TMEM242: variants seen among roughly 807,000 people sequenced by gnomAD.
TMEM242 encodes the protein transmembrane protein 242.
In TMEM242, 10 loss-of-function variants were observed where a neutral mutation model predicts 18.2. The observed-to-expected ratio is 0.55, with a 90% CI of 0.34 to 0.93. The LOEUF is 0.93. Among genes scored for constraint, TMEM242 ranks in the 40% least tolerant of loss-of-function variants. TMEM242 has a pLI of 0.02. For missense variants in TMEM242, 186 were observed against 175.5 expected (o/e 1.06, Z -0.34); for synonymous variants, 57 against 69.9 (o/e 0.81, Z 0.92).
chr6:157,298,569 C>T (rs782785753), intron 3 of TMEM242, among the ~76,000 whole-genome samples: 4 of 152,238 alleles, frequency 2.6e-5, no homozygotes, highest in East Asian at 1.9e-4. Context: ...GCTGAAAGGC[C>T]GTCCCAGAGG....
chr6:157,312,201 C>G (rs199800895), intron 3 of TMEM242, among the ~76,000 whole-genome samples: 2 of 21,726 alleles, frequency 9.2e-5, no homozygotes, highest in African/African-American at 1.8e-4. Context: ...TCCCAGTGTG[C>G]ACTGAGCTAG....
chr6:157,310,795 C>T (rs1554248449), intron 3 of TMEM242, among the ~76,000 whole-genome samples: 6 of 148,006 alleles, frequency 4.1e-5, no homozygotes, highest in African/African-American at 7.5e-5. Context: ...CTCACCCGGC[C>T]TCATCATAGG....
At chr6:157,296,497 A>G (rs1777751173) in intron 3 of TMEM242, among the ~76,000 whole-genome samples, 2 of 152,240 alleles carry the variant, frequency 1.3e-5, no homozygotes, top group Admixed American at 6.5e-5. Context: ...GACCTGGCCA[A>G]CGTGGTAAAA....
intron 2 of TMEM242, among the ~76,000 whole-genome samples, chr6:157,319,724 G>A (rs1778462944): frequency 6.6e-6 from 1 of 152,170 alleles, no homozygotes; most frequent in Non-Finnish European, 1.5e-5. Context: ...GTCCTCTGGG[G>A]TTGCAATTTG....
At chr6:157,295,226 C>T (rs1777736010) in intron 3 of TMEM242, among the ~76,000 whole-genome samples, 1 of 152,174 alleles carries the variant, frequency 6.6e-6, no homozygotes, top group South Asian at 2.1e-4. Context: ...TCTCAGTGTT[C>T]TGGACCCAGA....
At chr6:157,302,445 C>A (rs1311906275) in intron 3 of TMEM242, among the ~76,000 whole-genome samples, 1 of 152,198 alleles carries the variant, frequency 6.6e-6, no homozygotes, top group African/African-American at 2.4e-5. Context: ...TTTCTATAGT[C>A]ATTTTCTTTC....
chr6:157,313,374 G>GTCCCAGTGTGCACTCA (rs1562386211), intron 3 of TMEM242, among the ~76,000 whole-genome samples: 1 of 82,434 alleles, frequency 1.2e-5, no homozygotes, highest in Non-Finnish European at 2.4e-5. Context: ...TCATCATAGT[G>GTCCCAGTGTGCACTCA]CCTCAGTGTA....
At chr6:157,322,847 TTAAA>T (rs1778517522) in intron 1 of TMEM242, 42 bp from the exon 2 acceptor site, 1 of 1,525,008 alleles carries the variant, frequency 6.6e-7, no homozygotes, top group Non-Finnish European at 9.0e-7. Flanking sequence ...TTAAAAAAAA[TTAAA>T]TAAAAAGAGG....
rs1777698973 is a variant in TMEM242 at position 157,292,684 on chromosome 6, T to G, written c.*217A>C. On this transcript the variant is annotated 3_prime_UTR_variant, in exon 4 of 4. Coordinates refer to ENST00000400788, the MANE Select transcript of TMEM242 (RefSeq NM_018452.6). The stretch of plus-strand genomic sequence containing the variant: ...GGAAGTTATTCCTGTAATTACTATT[T>G]TTAAATAGTCTTCTTAACTGTGGGA... The G allele has an allele frequency of 2.6e-6, 1 of 387,878 alleles. No individual in the cohort carries two copies. The highest frequency in any genetic ancestry group is 4.6e-6 in the Non-Finnish European group (1 of 219,002). 24.0% of individuals were successfully genotyped at this position (387,878 alleles called of 1,614,324 possible).
At chr6:157,299,879 A>G in intron 3 of TMEM242, 2 of 1,613,124 alleles carry the variant, frequency 1.2e-6, no homozygotes, top group Non-Finnish European at 1.7e-6. Flanking sequence ...TTCATCACTC[A>G]AGCCTTTTAA....
At chr6:157,307,813 T>C (rs1777936349) in intron 3 of TMEM242, among the ~76,000 whole-genome samples, 1 of 152,188 alleles carries the variant, frequency 6.6e-6, no homozygotes, top group South Asian at 2.1e-4. Flanking sequence ...AGGATCGTGA[T>C]GACTGTTCTG....
At chr6:157,313,404 C>CGCTCACCTAGCCTCATCAT (rs1778270769) in intron 3 of TMEM242, among the ~76,000 whole-genome samples, 1 of 14,398 alleles carries the variant, frequency 6.9e-5, no homozygotes, top group East Asian at 3.5e-3. Context: ...GGCCTTATTA[C>CGCTCACCTAGCCTCATCAT]AGTGTCCAGT....
At chr6:157,302,640 C>T (rs1174108383) in intron 3 of TMEM242, among the ~76,000 whole-genome samples, 6 of 152,060 alleles carry the variant, frequency 3.9e-5, no homozygotes, top group South Asian at 4.2e-4. Context: ...CTAACAAAGA[C>T]GAAGAGATGT....
At chr6:157,316,847 G>A (rs1778400610) in intron 3 of TMEM242, among the ~76,000 whole-genome samples, 1 of 152,170 alleles carries the variant, frequency 6.6e-6, no homozygotes. Flanking sequence ...TCCATCCTGG[G>A]TGACAGAGGA....
chr6:157,315,058 G>A (rs1778365210), intron 3 of TMEM242, among the ~76,000 whole-genome samples: 1 of 152,224 alleles, frequency 6.6e-6, no homozygotes, highest in Non-Finnish European at 1.5e-5. Context: ...TTTATTGAGT[G>A]CATAGACTTG....
chr6:157,291,520 A>C lies in TMEM242; in HGVS notation c.*1381T>G, dbSNP rs1777684166. ...TCAAAGCCTACAGATCTCTTCTCAG[A>C]GGAGATTTAGTTACAAATGAAAGGC... On this transcript the variant is annotated 3_prime_UTR_variant, in exon 4 of 4. Transcript: ENST00000400788. 6.6e-6 allele frequency: 1 copy of C among 152,218 alleles called. No homozygotes were observed. 9.4% of individuals were successfully genotyped at this position (152,218 alleles called of 1,614,324 possible).
chr6:157,305,756 G>A lies in TMEM242; in HGVS notation c.328-12757C>T, dbSNP rs782021356. Among the ~76,000 whole-genome samples the A allele has an allele frequency of 1.1e-5, 1 of 93,790 alleles. No homozygotes were observed. The highest frequency in any genetic ancestry group is 4.4e-5 in the African/African-American group (1 of 22,546). The allele number at this position is 93,790 out of a possible 152,430, so 61.5% of individuals were successfully genotyped here. On this transcript the variant is annotated intron_variant, in intron 3 of 3. Transcript: ENST00000400788. The surrounding 1 kb of genome is among the most constrained non-coding windows in gnomAD (Gnocchi z 4.1). ...CCACAGTGTTTCAGGATGGAGGGGG[G>A]GCTCCATTGTGCCCAAATGTTGCTG...
At chr6:157,296,721 G>A (rs1175268255) in intron 3 of TMEM242, among the ~76,000 whole-genome samples, 15 of 151,884 alleles carry the variant, frequency 9.9e-5, no homozygotes, top group Admixed American at 9.8e-4. Context: ...GACATGAATG[G>A]TACTCCCCAG....
chr6:157,299,678 T>G, intron 3 of TMEM242: 2 of 1,610,674 alleles, frequency 1.2e-6, no homozygotes, highest in Non-Finnish European at 1.7e-6. Context: ...CACATTTCGC[T>G]GGACTAAATT....
Sources: gnomAD v4.1 joint callset for allele counts (sites outside exome capture counted in the v4.1 genomes callset) on GRCh38, gnomAD v4.1.1 for gene constraint, Gnocchi (gnomAD v3.1) non-coding constraint, MANE v1.5 for transcripts, NCBI Gene and HGNC (gene_info 2026-07-23, HGNC 2026-07-21) for gene names.